MRPL58: variants seen among roughly 807,000 people sequenced by gnomAD.
The protein encoded by MRPL58 is large ribosomal subunit protein mL62.
MRPL58 carries 17 observed loss-of-function variants against 26.0 expected under a neutral mutation model. The observed-to-expected ratio is 0.65, with a 90% CI of 0.45 to 0.98. MRPL58 has a LOEUF of 0.98. MRPL58 is among the 50% of genes least tolerant of loss of function. The pLI is 0.00. For synonymous variants in MRPL58, 100 were observed against 99.7 expected, an observed-to-expected ratio of 1.00 and a Z score of -0.02; for missense variants, 250 against 269.0, an observed-to-expected ratio of 0.93 and a Z score of 0.49.
chr17:75,017,353 C>T (rs984593714), intron 2 of MRPL58, among the ~76,000 whole-genome samples: 1 of 151,970 alleles, frequency 6.6e-6, no homozygotes, highest in Non-Finnish European at 1.5e-5. Flanking sequence ...TGTCTCATAC[C>T]TGTAATCCCA....
At position 75,012,744 on chromosome 17, in the gene MRPL58, C is replaced by T; in HGVS notation, c.58C>T (p.Pro20Ser). ...GLSRAGVWLL[P>S]PPARCPRRAL... ...GAGCCGAGCCGGAGTCTGGCTGCTC[C>T]CACCGCCCGCACGGTGCCCACGCCG... The change falls in exon 1 of 6, where the codon CCA (proline) becomes TCA (serine). Residue 20 changes from proline to serine, a missense_variant. Coordinates refer to ENST00000301585, the MANE Select transcript of MRPL58 (RefSeq NM_001545.3). The T allele has an allele frequency of 1.3e-6, 2 of 1,585,976 alleles. No homozygotes were observed. Among genetic ancestry groups the T allele is most frequent in the South Asian group, 1.1e-5 (1 of 87,486 alleles).
chr17:75,019,388 G>T lies in MRPL58; in HGVS notation c.224-312G>T, dbSNP rs532076725. Among the ~76,000 whole-genome samples the T allele has an allele frequency of 2.6e-5, 4 of 152,276 alleles. No homozygotes were observed. In the South Asian group the frequency reaches 6.2e-4, roughly 24 times the overall value. ...TCAAGCTTTGGCCATGTGCAAGGTTGCCAGCAATCACCATGGCAGAACTGT... is the reference window on the plus strand; with the variant it reads ...TCAAGCTTTGGCCATGTGCAAGGTTTCCAGCAATCACCATGGCAGAACTGT... On this transcript the variant is annotated intron_variant, in intron 2 of 5. Transcript: ENST00000301585.
At chr17:75,017,780 C>T (rs950066600) in intron 2 of MRPL58, among the ~76,000 whole-genome samples, 9 of 151,588 alleles carry the variant, frequency 5.9e-5, no homozygotes, top group African/African-American at 9.7e-5. Context: ...AAAAATTAGC[C>T]GGGTGTGGTG....
At chr17:75,020,712 C>T (rs1372597007) in intron 5 of MRPL58, 55 bp downstream of exon 5, 1 of 1,573,154 alleles carries the variant, frequency 6.4e-7, no homozygotes, top group African/African-American at 1.4e-5. Context: ...CAAGAGTCTA[C>T]ACAGGTAAGG....
chr17:75,017,307 T>TA lies in MRPL58; in HGVS notation c.223+205dup, dbSNP rs113430634. Reference sequence around the variant, plus strand: ...ACTCTATCTGGAAAAAATTAAAAATTAAAAAAAAAAAATCATGCCTGTTGG... The same window carrying TA: ...ACTCTATCTGGAAAAAATTAAAAATTAAAAAAAAAAAAATCATGCCTGTTGG... On this transcript the variant is annotated intron_variant, in intron 2 of 5. Transcript: ENST00000301585. Among the ~76,000 whole-genome samples, 275 of 142,476 alleles carry TA rather than the reference T, an allele frequency of 1.9e-3. 1 individual carries two copies. The highest frequency in any genetic ancestry group is 5.5e-3 in the African/African-American group (213 of 38,998). The allele number at this position is 142,476 out of a possible 152,430, so 93.5% of individuals were successfully genotyped here.
chr17:75,015,545 AAG>A (rs2039966877), intron 1 of MRPL58, among the ~76,000 whole-genome samples: 1 of 152,158 alleles, frequency 6.6e-6, no homozygotes, highest in Non-Finnish European at 1.5e-5. Flanking sequence ...TAGAGAAAGA[AAG>A]AGGAGAGAGA....
Position 75,019,740 on chromosome 17 carries a change from G to C in MRPL58, c.264G>C (p.Gly88=), listed in dbSNP as rs11542097. ...TISYCRSSGP[G]GQNVNKVNSK... is the part of the protein sequence containing the mutation. ...CTTATTGTCGGAGTAGTGGTCCTGG[G>C]GGGCAGAATGTGAACAAAGGTACGG... is the stretch of plus-strand genomic sequence containing the variant. The change falls in exon 3 of 6, where the codon GGG becomes GGC. Residue 88 remains glycine (G), a synonymous_variant. Transcript: ENST00000301585. 6.2e-7 allele frequency: 1 copy of C among 1,607,858 alleles called. No homozygotes were observed. Among genetic ancestry groups the C allele is most frequent in the Non-Finnish European group, 8.5e-7 (1 of 1,175,568 alleles).
At chr17:75,015,728 G>A (rs1598666426) in intron 1 of MRPL58, among the ~76,000 whole-genome samples, 1 of 152,140 alleles carries the variant, frequency 6.6e-6, no homozygotes, top group East Asian at 1.9e-4. Flanking sequence ...AGGTGGAGTA[G>A]GATAAGGGTT....
Position 75,020,546 on chromosome 17 carries a change from A to C in MRPL58, c.425A>C (p.Tyr142Ser). 6.2e-7 allele frequency: 1 copy of C among 1,613,870 alleles called. No homozygotes were observed. Among genetic ancestry groups the C allele is most frequent in the Admixed American group, 1.7e-5 (1 of 60,024 alleles). ...ATCCTCACCTCTGAGAGCAGCCGCT[A>C]TCAGTTCCGGAATCTGGCAGATTGC... ...ELILTSESSR[Y>S]QFRNLADCLQ... The change falls in exon 5 of 6, where the codon TAT becomes TCT. Residue 142 changes from tyrosine (Y) to serine (S), a missense_variant. Physicochemically the swap from Tyr to Ser is moderately radical, Grantham distance 144. Transcript: ENST00000301585.
rs34496172 is a variant in MRPL58 at position 75,020,394 on chromosome 17, C to A, written c.365C>A (p.Thr122Lys). ...AEPVRQKIAI[T>K]HKNKINRLGE... Reference sequence around the variant, plus strand: ...CCCGTGCGGCAGAAGATAGCCATCACGGTAACCACCATCCCTTTCTTTCCC... The same window carrying A: ...CCCGTGCGGCAGAAGATAGCCATCAAGGTAACCACCATCCCTTTCTTTCCC... Residue 122 changes from threonine (T) to lysine (K), a missense_variant and splice_region_variant, in exon 4 of 6, where the codon ACG becomes AAG. Coordinates refer to ENST00000301585, the MANE Select transcript of MRPL58 (RefSeq NM_001545.3). 2.5e-6 allele frequency: 4 copies of A among 1,613,928 alleles called. No individual in the cohort carries two copies. The highest frequency in any genetic ancestry group is 3.4e-6 in the Non-Finnish European group (4 of 1,179,950).
Position 75,012,821 on chromosome 17 carries a change from G to A in MRPL58, c.135G>A (p.Leu45=). 6.2e-7 allele frequency: 1 copy of A among 1,612,570 alleles called. No homozygotes were observed. The highest frequency in any genetic ancestry group is 8.5e-7 in the Non-Finnish European group (1 of 1,179,654). ...CTGAGTTCAAGAGCATCTACAGCCT[G>A]GACAAGCTCTACCCCGAATCTCAGG... ...DGTEFKSIYS[L]DKLYPESQGS... The change falls in exon 1 of 6, where the codon CTG becomes CTA. Residue 45 remains leucine (L), a synonymous_variant. Coordinates refer to ENST00000301585, the MANE Select transcript of MRPL58 (RefSeq NM_001545.3).
chr17:75,020,640 T>TAA lies in MRPL58; in HGVS notation c.521_522dup (p.Leu175AsnfsTer7). On this transcript the variant is annotated frameshift_variant, in exon 5 of 6. Transcript: ENST00000301585. LOFTEE classifies it high-confidence loss of function. ...CGAAGGAGCCAACAAAAGAAGATGT[T>TAA]AAACTTCATAGAATCAGGTACCAGG... 6.2e-7 allele frequency: 1 copy of TAA among 1,614,108 alleles called. No individual in the cohort carries two copies. Among genetic ancestry groups the TAA allele is most frequent in the South Asian group, 1.1e-5 (1 of 91,076 alleles).
At chr17:75,013,112 A>G (rs935576043) in intron 1 of MRPL58, among the ~76,000 whole-genome samples, 1 of 152,198 alleles carries the variant, frequency 6.6e-6, no homozygotes, top group African/African-American at 2.4e-5. Flanking sequence ...CAGCTTTTCT[A>G]CGTTCGTGTC....
intron 2 of MRPL58, chr17:75,018,833 G>A (rs12453862): frequency 0.36 from 54,337 of 151,938 alleles, 9,991 homozygotes; most frequent in Admixed American, 0.44. Context: ...GTGCGAGGAA[G>A]AGCAGCCAAA....
intron 1 of MRPL58, among the ~76,000 whole-genome samples, chr17:75,013,666 C>T (rs182397372): frequency 9.0e-4 from 137 of 152,208 alleles, no homozygotes; most frequent in Admixed American, 2.4e-3. Context: ...TGTCTAGGAA[C>T]GCTGTCAATG....
In MRPL58 at chr17:75,019,727, G is replaced by A. The variant is rs752835305; in HGVS notation, c.251G>A (p.Ser84Asn). The change falls in exon 3 of 6, where the codon AGT (serine) becomes AAT (asparagine). Residue 84 changes from serine to asparagine, a missense_variant. By Grantham distance (46) the Ser-to-Asn change is conservative. Coordinates refer to ENST00000301585, the MANE Select transcript of MRPL58 (RefSeq NM_001545.3). ...CGCTTGACAATATCTTATTGTCGGA[G>A]TAGTGGTCCTGGGGGGCAGAATGTG... ...LDRLTISYCR[S>N]SGPGGQNVNK... 2 of 1,611,510 alleles carry A rather than the reference G, an allele frequency of 1.2e-6. No homozygotes were observed. Among genetic ancestry groups the A allele is most frequent in the Non-Finnish European group, 1.7e-6 (2 of 1,177,874 alleles).
At chr17:75,016,526 G>T (rs1044331804) in intron 1 of MRPL58, among the ~76,000 whole-genome samples, 1 of 152,236 alleles carries the variant, frequency 6.6e-6, no homozygotes, top group Non-Finnish European at 1.5e-5. Context: ...GGGCCTTGTG[G>T]ATACAAAGAT....
intron 1 of MRPL58, among the ~76,000 whole-genome samples, chr17:75,013,099 T>C (rs977470264): frequency 2.6e-5 from 4 of 152,216 alleles, no homozygotes; most frequent in African/African-American, 9.6e-5. Flanking sequence ...CTTTCAAGGC[T>C]GCCAGCTTTT....
Position 75,021,204 on chromosome 17 carries a change from T to C in MRPL58, c.*199T>C, listed in dbSNP as rs1598671700. ...CAGACGTCTTTATAGGCAGTCACCA[T>C]GTTGTCAAACCTTAATAATGCACCT... On this transcript the variant is annotated 3_prime_UTR_variant, in exon 6 of 6. Transcript: ENST00000301585. The C allele has an allele frequency of 1.7e-6, 1 of 586,898 alleles. No individual in the cohort carries two copies. Among genetic ancestry groups the C allele is most frequent in the African/African-American group, 1.9e-5 (1 of 53,636 alleles). The allele number at this position is 586,898 out of a possible 1,614,324, so 36.4% of individuals were successfully genotyped here.
Sources: allele counts gnomAD v4.1 joint callset (sites outside exome capture counted in the v4.1 genomes callset), GRCh38; gene constraint gnomAD v4.1.1; transcripts MANE v1.5; gene names NCBI Gene and HGNC (gene_info 2026-07-23, HGNC 2026-07-21).